MCPH1: variants seen among roughly 807,000 people sequenced by gnomAD.
MCPH1 encodes the protein microcephalin 1, also known as microcephalin.
In MCPH1, 104 loss-of-function variants were observed where a neutral mutation model predicts 84.5. The observed-to-expected ratio is 1.23, with a 90% confidence interval of 1.05 to 1.45. MCPH1 has a LOEUF of 1.45. Among genes scored for constraint, MCPH1 ranks in the 40% most tolerant of loss-of-function variants. The pLI, the probability that MCPH1 is intolerant of heterozygous loss-of-function variation, is 0.00. For missense variants in MCPH1, 1,498 were observed against 1,005.7 expected (o/e 1.49, Z -6.62); for synonymous variants, 514 against 366.8 (o/e 1.40, Z -4.58).
chr8:6,455,351 C>G (rs1805562396), intron 9 of MCPH1, 99 bp downstream of exon 9: 2 of 891,946 alleles, frequency 2.2e-6, no homozygotes, highest in African/African-American at 1.7e-5. Flanking sequence ...TCTGACTTGT[C>G]TTTTATTCTA....
intron 12 of MCPH1, among the ~76,000 whole-genome samples, chr8:6,613,446 C>T (rs751004893): frequency 2.0e-5 from 3 of 150,178 alleles, no homozygotes; most frequent in Non-Finnish European, 4.4e-5. Flanking sequence ...CAGGGAGTCA[C>T]GGGGGGGTGG....
At chr8:6,588,209 T>G (rs751115011) in intron 12 of MCPH1, among the ~76,000 whole-genome samples, 4 of 152,086 alleles carry the variant, frequency 2.6e-5, no homozygotes, top group Admixed American at 6.5e-5. Flanking sequence ...CACCTTCTCC[T>G]AGTCCAGGAA....
chr8:6,588,943 G>A (rs940608702), intron 12 of MCPH1, among the ~76,000 whole-genome samples: 1 of 152,218 alleles, frequency 6.6e-6, no homozygotes, highest in Non-Finnish European at 1.5e-5. Flanking sequence ...CCAGGACAAA[G>A]GATCAAGGTG....
chr8:6,547,992 G>A (rs1374648266), intron 12 of MCPH1, among the ~76,000 whole-genome samples: 6 of 151,548 alleles, frequency 4.0e-5, no homozygotes, highest in South Asian at 2.1e-4. Flanking sequence ...ATTCTTGAAC[G>A]CTTCCCTCAG....
rs1554479118 is a variant in MCPH1 at position 6,419,144 on chromosome 8, C to CACAG, written c.233+4264_233+4265insGACA. On this transcript the variant is annotated intron_variant, in intron 3 of 13. Transcript: ENST00000344683. ...ATATACACATACACACACACACACA[C>CACAG]ACACACAGACACACACACACACACA... Among the ~76,000 whole-genome samples the CACAG allele has an allele frequency of 6.6e-3, 607 of 92,556 alleles. 5 individuals carry two copies. The highest frequency in any genetic ancestry group is 0.023 in the African/African-American group (579 of 24,810). The allele number at this position is 92,556 out of a possible 152,430, so 60.7% of individuals were successfully genotyped here.
intron 9 of MCPH1, among the ~76,000 whole-genome samples, chr8:6,477,028 T>G (rs984212735): frequency 6.7e-6 from 1 of 148,590 alleles, no homozygotes; most frequent in Non-Finnish European, 1.5e-5. Context: ...GTGCATTTCT[T>G]AGATAAGCAA....
chr8:6,617,941 ATCTT>A (rs1056125543), intron 12 of MCPH1, among the ~76,000 whole-genome samples: 11 of 150,712 alleles, frequency 7.3e-5, no homozygotes, highest in African/African-American at 1.7e-4. Context: ...CTATCTATCT[ATCTT>A]TCTATCTATC....
chr8:6,499,261 G>A (rs559373148), intron 11 of MCPH1, among the ~76,000 whole-genome samples: 64 of 152,116 alleles, frequency 4.2e-4, no homozygotes, highest in African/African-American at 6.7e-4. Flanking sequence ...TCATTTTACC[G>A]TGTGGGGATT....
intron 12 of MCPH1, among the ~76,000 whole-genome samples, chr8:6,559,430 A>G (rs553000270): frequency 6.6e-6 from 1 of 152,302 alleles, no homozygotes; most frequent in South Asian, 2.1e-4. Flanking sequence ...AAGATACACT[A>G]TTATTACTTT....
Position 6,621,662 on chromosome 8 carries a change from T to A in MCPH1, c.2423T>A (p.Val808Asp). 1.2e-6 allele frequency: 2 copies of A among 1,614,114 alleles called. No individual in the cohort carries two copies. The highest frequency in any genetic ancestry group is 2.2e-5 in the South Asian group (2 of 91,080). Reference sequence around the variant, plus strand: ...TACAGCGGAAAGAAGAAAGCCACAGTCAAGTATCTGTCTGAGAAATGGGTC... The same window carrying A: ...TACAGCGGAAAGAAGAAAGCCACAGACAAGTATCTGTCTGAGAAATGGGTC... Reference protein sequence around the residue: ...GPYSGKKKATVKYLSEKWVLD... With the variant: ...GPYSGKKKATDKYLSEKWVLD... The change falls in exon 13 of 14, where the codon GTC becomes GAC. Residue 808 changes from valine to aspartate, a missense_variant. Physicochemically the swap from Val to Asp is radical, Grantham distance 152. Transcript: ENST00000344683.
intron 5 of MCPH1, among the ~76,000 whole-genome samples, chr8:6,437,770 C>G (rs1449968283): frequency 1.3e-5 from 2 of 152,152 alleles, no homozygotes; most frequent in African/African-American, 2.4e-5. Context: ...GACACTAACC[C>G]CCATCAAGAC....
At chr8:6,567,605 G>T (rs1016090183) in intron 12 of MCPH1, among the ~76,000 whole-genome samples, 2 of 152,216 alleles carry the variant, frequency 1.3e-5, no homozygotes, top group African/African-American at 2.4e-5. Context: ...CCCTAGGGAA[G>T]TGGAGACATG....
chr8:6,502,897 T>A, intron 12 of MCPH1: 1 of 565,562 alleles, frequency 1.8e-6, no homozygotes, highest in Non-Finnish European at 3.1e-6. Flanking sequence ...TATGGATGTT[T>A]AGGGTCTTGC....
At chr8:6,457,215 C>A (rs936681513) in intron 9 of MCPH1, among the ~76,000 whole-genome samples, 3 of 152,088 alleles carry the variant, frequency 2.0e-5, no homozygotes, top group South Asian at 2.1e-4. Context: ...GTAAACTTTG[C>A]CCTCATAATT....
At chr8:6,507,614 TC>T (rs1303918013) in intron 12 of MCPH1, 1 of 146,076 alleles carries the variant, frequency 6.8e-6, no homozygotes, top group Non-Finnish European at 1.5e-5. Context: ...TCTTGCTCTG[TC>T]CCCCAGGCTG....
intron 3 of MCPH1, among the ~76,000 whole-genome samples, chr8:6,416,276 A>G (rs1246991564): frequency 2.2e-3 from 1 of 452 alleles, no homozygotes; most frequent in African/African-American, 2.7e-3. Flanking sequence ...GCCGCATGTT[A>G]TGTCATGTCA....
At chr8:6,604,150 C>T (rs1283505268) in intron 12 of MCPH1, among the ~76,000 whole-genome samples, 4 of 152,074 alleles carry the variant, frequency 2.6e-5, no homozygotes, top group Admixed American at 6.5e-5. Flanking sequence ...TCTAGCTCAG[C>T]CCCCATGCTG....
intron 11 of MCPH1, among the ~76,000 whole-genome samples, chr8:6,487,062 ACT>A (rs1420575579): frequency 1.3e-5 from 2 of 152,212 alleles, no homozygotes; most frequent in Non-Finnish European, 2.9e-5. Context: ...GTGAGGAATA[ACT>A]CAGCCTGTAT....
chr8:6,457,673 C>G (rs1805848672), intron 9 of MCPH1, among the ~76,000 whole-genome samples: 1 of 152,178 alleles, frequency 6.6e-6, no homozygotes, highest in Non-Finnish European at 1.5e-5. Context: ...GCTCCCGACC[C>G]CAGTGCGGCA....
Sources: allele counts gnomAD v4.1 joint callset (sites outside exome capture counted in the v4.1 genomes callset), GRCh38; gene constraint gnomAD v4.1.1; transcripts MANE v1.5; gene names NCBI Gene and HGNC (gene_info 2026-07-23, HGNC 2026-07-21).